Variants in PKP2 observed in about 807,000 individuals in gnomAD.
PKP2 encodes the protein plakophilin-2.
PKP2 carries 73 observed loss-of-function variants against 83.4 expected under a neutral mutation model. That is an observed-to-expected ratio of 0.88 (90% CI 0.72 to 1.06). The LOEUF is 1.06. PKP2 is among the 50% of genes least tolerant of loss of function. The pLI is 0.00. For missense variants in PKP2, 966 were observed against 1,065.4 expected, an observed-to-expected ratio of 0.91 and a Z score of 1.30; for synonymous variants, 409 against 430.4, an observed-to-expected ratio of 0.95 and a Z score of 0.62.
intron 9 of PKP2, among the ~76,000 whole-genome samples, chr12:32,804,592 G>A (rs1405705823): frequency 6.6e-6 from 1 of 152,174 alleles, no homozygotes; most frequent in Non-Finnish European, 1.5e-5. Flanking sequence ...AAGGATAACA[G>A]CCTCCAGCTC....
chr12:32,881,909 G>A (rs1956989871), intron 1 of PKP2, among the ~76,000 whole-genome samples: 1 of 152,200 alleles, frequency 6.6e-6, no homozygotes, highest in Admixed American at 6.5e-5. Context: ...GCCTGCAAGG[G>A]CCAGGCTGCT....
At chr12:32,821,744 C>T in intron 8 of PKP2, 3 of 533,406 alleles carry the variant, frequency 5.6e-6, no homozygotes, top group Non-Finnish European at 1.0e-5. Context: ...ACTCCACACC[C>T]CTAACTTGAT....
chr12:32,794,661 G>A (rs1280544997), intron 11 of PKP2, among the ~76,000 whole-genome samples: 2 of 152,238 alleles, frequency 1.3e-5, no homozygotes, highest in African/African-American at 4.8e-5. Flanking sequence ...ACGGTGATTT[G>A]CTTGGAAGTT....
intron 6 of PKP2, among the ~76,000 whole-genome samples, chr12:32,836,563 G>A (rs1956546933): frequency 6.6e-6 from 1 of 152,114 alleles, no homozygotes; most frequent in South Asian, 2.1e-4. Context: ...GTTCACTGTT[G>A]TATGCACAAG....
intron 1 of PKP2, chr12:32,893,176 A>T (rs186854236): frequency 6.6e-6 from 1 of 152,206 alleles, no homozygotes; most frequent in African/African-American, 2.4e-5. Flanking sequence ...AATCAGCCAC[A>T]TTTATCTCAT....
chr12:32,865,292 T>C (rs1956836947), intron 4 of PKP2, among the ~76,000 whole-genome samples: 1 of 150,578 alleles, frequency 6.6e-6, no homozygotes, highest in African/African-American at 2.5e-5. Context: ...GGAGAATCAC[T>C]TGAAGCCAGA....
chr12:32,826,030 T>C (rs1439195358), intron 6 of PKP2, among the ~76,000 whole-genome samples: 1 of 151,952 alleles, frequency 6.6e-6, no homozygotes, highest in Non-Finnish European at 1.5e-5. Flanking sequence ...GGTGGCTGGG[T>C]GTGGTGGCTT....
At chr12:32,832,989 T>C (rs755680586) in intron 6 of PKP2, among the ~76,000 whole-genome samples, 6 of 152,216 alleles carry the variant, frequency 3.9e-5, no homozygotes, top group Non-Finnish European at 5.9e-5. Context: ...CTCACACCTG[T>C]AGTCCCAGCA....
chr12:32,868,643 C>T (rs542236710), intron 4 of PKP2, among the ~76,000 whole-genome samples: 2 of 152,304 alleles, frequency 1.3e-5, no homozygotes, highest in South Asian at 4.1e-4. Context: ...CTGCCTCAGC[C>T]TCTCGAGTAG....
chr12:32,864,577 T>C (rs113575194), intron 4 of PKP2, among the ~76,000 whole-genome samples: 131 of 152,208 alleles, frequency 8.6e-4, no homozygotes, highest in Non-Finnish European at 1.6e-3. Flanking sequence ...GTCACAAGAC[T>C]CAATATTGTT....
At chr12:32,894,781 A>G (rs1437182397) in intron 1 of PKP2, 4 of 152,212 alleles carry the variant, frequency 2.6e-5, no homozygotes, top group Admixed American at 6.5e-5. Flanking sequence ...CACTGGACCT[A>G]TGGGCACAGA....
At chr12:32,823,373 C>T (rs533824224) in intron 7 of PKP2, among the ~76,000 whole-genome samples, 2 of 145,446 alleles carry the variant, frequency 1.4e-5, no homozygotes, top group South Asian at 4.3e-4. Flanking sequence ...GCTGAGATCG[C>T]ACCACTGCAC....
At chr12:32,875,524 GC>G (rs1053119496) in intron 3 of PKP2, among the ~76,000 whole-genome samples, 3 of 152,150 alleles carry the variant, frequency 2.0e-5, no homozygotes, top group African/African-American at 7.2e-5. Context: ...ACACAATGGG[GC>G]TTGTAGGTCA....
At chr12:32,815,648 T>C (rs1210218491) in intron 9 of PKP2, among the ~76,000 whole-genome samples, 1 of 152,240 alleles carries the variant, frequency 6.6e-6, no homozygotes, top group Non-Finnish European at 1.5e-5. Context: ...CATGAGAATT[T>C]CTTGAGAACT....
At position 32,790,979 on chromosome 12, in the gene PKP2, T is replaced by C. The variant is rs1333356422; in HGVS notation, c.*1445A>G. On this transcript the variant is annotated 3_prime_UTR_variant, in exon 13 of 13. Coordinates refer to ENST00000340811, the MANE Select transcript of PKP2 (RefSeq NM_001005242.3). ...AGTTGTCTTCATTCAGCTTTTAAAATTGAAAAAAAATTGCTTCAAATATAA... is the reference window on the plus strand; with the variant it reads ...AGTTGTCTTCATTCAGCTTTTAAAACTGAAAAAAAATTGCTTCAAATATAA... The C allele has an allele frequency of 6.6e-6, 1 of 152,140 alleles. No homozygotes were observed. Among genetic ancestry groups the C allele is most frequent in the African/African-American group, 2.4e-5 (1 of 41,444 alleles). The allele number at this position is 152,140 out of a possible 1,614,324, so 9.4% of individuals were successfully genotyped here. A position where few individuals can be genotyped will look rare whatever the true frequency, so the allele number is the denominator to read the frequency against.
rs1438249102 is a variant in PKP2 at position 32,883,821 on chromosome 12, T to C, written c.224-4789A>G. Among the ~76,000 whole-genome samples the C allele has an allele frequency of 5.9e-5, 9 of 152,162 alleles. 1 individual carries two copies. The highest frequency in any genetic ancestry group is 4.1e-4 in the South Asian group (2 of 4,832). On this transcript the variant is annotated intron_variant, in intron 1 of 12. Transcript: ENST00000340811. Reference sequence around the variant, plus strand: ...GAGAGAGGGTTTACCTGAGAAAGCATAGACTCAAACGCTTTCAAAATTGTG... The same window carrying C: ...GAGAGAGGGTTTACCTGAGAAAGCACAGACTCAAACGCTTTCAAAATTGTG...
chr12:32,806,686 T>C (rs866449833), intron 9 of PKP2, among the ~76,000 whole-genome samples: 2 of 149,718 alleles, frequency 1.3e-5, no homozygotes, highest in African/African-American at 4.9e-5. Flanking sequence ...TTTGAAGGGT[T>C]TGTGTGTGTG....
At chr12:32,887,367 T>A (rs1370842343) in intron 1 of PKP2, among the ~76,000 whole-genome samples, 2 of 152,204 alleles carry the variant, frequency 1.3e-5, no homozygotes, top group Non-Finnish European at 2.9e-5. Context: ...TCAAGAGCTA[T>A]CTTCTGATAT....
rs1357981659 is a variant in PKP2, at chr12:32,790,950, C to G, written c.*1474G>C. The G allele has an allele frequency of 6.6e-6, 1 of 151,968 alleles. No homozygotes were observed. Among genetic ancestry groups the G allele is most frequent in the African/African-American group, 2.4e-5 (1 of 41,386 alleles). 9.4% of individuals were successfully genotyped at this position (151,968 alleles called of 1,614,324 possible). ...ATTTCATTTTGAACTAGGTTAGCAA[C>G]CTAAGTTGTCTTCATTCAGCTTTTA... On this transcript the variant is annotated 3_prime_UTR_variant, in exon 13 of 13. Transcript: ENST00000340811.
Sources: gnomAD v4.1 joint callset for allele counts (sites outside exome capture counted in the v4.1 genomes callset) on GRCh38, gnomAD v4.1.1 for gene constraint, MANE v1.5 for transcripts, NCBI Gene and HGNC (gene_info 2026-07-23, HGNC 2026-07-21) for gene names.